Variants in ACER3 observed in about 807,000 individuals in gnomAD.
ACER3 encodes the protein alkCDase 3.
ACER3 carries 16 observed loss-of-function variants against 48.9 expected under a neutral mutation model. That is an observed-to-expected ratio of 0.33 (90% CI 0.22 to 0.50). The LOEUF is 0.50. Among genes scored for constraint, ACER3 ranks in the 20% least tolerant of loss-of-function variants. ACER3 has a pLI of 0.98. For synonymous variants in ACER3, 109 were observed against 107.8 expected (o/e 1.01, Z -0.07); for missense variants, 227 against 326.0 (o/e 0.70, Z 2.34).
rs187403369 is a variant in ACER3, at chr11:76,973,489, C to T, written c.268-2800C>T. On this transcript the variant is annotated intron_variant, in intron 3 of 10. Transcript: ENST00000532485. ...TGATCTTGGTCCTCAAAGGGACGGA[C>T]ATGTCCATACCTCATGCCTGTCCAC... Among the ~76,000 whole-genome samples the T allele has an allele frequency of 4.4e-3, 666 of 152,228 alleles. 26 individuals are homozygous for T. Among genetic ancestry groups the T allele is most frequent in the Admixed American group, 0.042 (647 of 15,286 alleles).
rs1271998317 is a variant in ACER3 at position 77,021,319 on chromosome 11, A to G, written c.*992A>G. ...CTAAAATTATCAGAATCCTATTTAC[A>G]TAAAGCATATTAAAATATCTGCTCC... On this transcript the variant is annotated 3_prime_UTR_variant, in exon 11 of 11. Transcript: ENST00000532485. 6.6e-6 allele frequency: 1 copy of G among 152,212 alleles called. No homozygotes were observed. Among genetic ancestry groups the G allele is most frequent in the Non-Finnish European group, 1.5e-5 (1 of 68,036 alleles). The allele number at this position is 152,212 out of a possible 1,614,324, so 9.4% of individuals were successfully genotyped here.
At chr11:76,904,353 T>G (rs1946162416) in intron 1 of ACER3, among the ~76,000 whole-genome samples, 2 of 152,132 alleles carry the variant, frequency 1.3e-5, no homozygotes, top group South Asian at 4.1e-4. Flanking sequence ...TAGGAAAACC[T>G]CAACTCTTTC....
chr11:76,958,771 AT>A, intron 2 of ACER3: 1 of 565,578 alleles, frequency 1.8e-6, no homozygotes, highest in African/African-American at 1.9e-5. Flanking sequence ...AGTAGAGGGA[AT>A]TTAGGAGAAC....
chr11:76,989,877 C>T (rs1948763298), intron 5 of ACER3, among the ~76,000 whole-genome samples: 1 of 152,186 alleles, frequency 6.6e-6, no homozygotes. Context: ...AGGCATTGAG[C>T]TTAATCATCC....
chr11:76,934,066 C>T (rs1386121356), intron 2 of ACER3, among the ~76,000 whole-genome samples: 4 of 151,234 alleles, frequency 2.6e-5, no homozygotes, highest in African/African-American at 7.3e-5. Context: ...CGGGCAGAGA[C>T]GCTCCTCACT....
chr11:77,024,379 G>T lies in ACER3; in HGVS notation c.*4052G>T, dbSNP rs1368446361. On this transcript the variant is annotated 3_prime_UTR_variant, in exon 11 of 11. Coordinates refer to ENST00000532485, the MANE Select transcript of ACER3 (RefSeq NM_018367.7). ...AGCTGCTGGTGTTGTTGAGGTCCTT[G>T]GGAGCATTCCACTGGACTTCACCAT... 2.6e-5 allele frequency: 4 copies of T among 151,678 alleles called. No homozygotes were observed. The highest frequency in any genetic ancestry group is 9.7e-5 in the African/African-American group (4 of 41,318). The allele number at this position is 151,678 out of a possible 1,614,324, so 9.4% of individuals were successfully genotyped here. A position where few individuals can be genotyped will look rare whatever the true frequency, so the allele number is the denominator to read the frequency against.
rs370822453 is a variant in ACER3 at position 76,985,694 on chromosome 11, C to T, written c.372C>T (p.Thr124=). ...CAGTAAACTACCATCTGCTTTTTACCTTAGTTCTATTCAGTTTAATAGTAA... is the reference window on the plus strand; with the variant it reads ...CAGTAAACTACCATCTGCTTTTTACTTTAGTTCTATTCAGTTTAATAGTAA... The part of the protein sequence containing the change: ...KNSVNYHLLF[T]LVLFSLIVTT... Residue 124 remains threonine, a synonymous_variant, in exon 5 of 11, where the codon ACC becomes ACT. Coordinates refer to ENST00000532485, the MANE Select transcript of ACER3 (RefSeq NM_018367.7). The T allele has an allele frequency of 2.5e-5, 39 of 1,567,462 alleles. No individual in the cohort carries two copies. The Middle Eastern group carries it at 6.8e-4, about 27-fold the overall frequency.
Position 77,026,045 on chromosome 11 carries a change from C to G in ACER3, c.*5718C>G, listed in dbSNP as rs532139582. ...TTGGCAATAGCCTGTTGCAAAGTGC[C>G]TAAACCTTTGAGAAAAATTACTATG... On this transcript the variant is annotated 3_prime_UTR_variant, in exon 11 of 11. Transcript: ENST00000532485. 4.6e-5 allele frequency: 7 copies of G among 152,304 alleles called. No homozygotes were observed. The highest frequency in any genetic ancestry group is 4.1e-4 in the South Asian group (2 of 4,822). The allele number at this position is 152,304 out of a possible 1,614,324, so 9.4% of individuals were successfully genotyped here.
At chr11:76,934,419 A>G (rs911444939) in intron 2 of ACER3, among the ~76,000 whole-genome samples, 1 of 152,128 alleles carries the variant, frequency 6.6e-6, no homozygotes, top group African/African-American at 2.4e-5. Context: ...AGTGAACGAG[A>G]CTCCGTCTGC....
chr11:77,003,947 T>C (rs1414991160), intron 7 of ACER3, among the ~76,000 whole-genome samples: 8 of 152,224 alleles, frequency 5.3e-5, no homozygotes, highest in Admixed American at 1.3e-4. Flanking sequence ...TTGAGGTTTG[T>C]ATTATGGATC....
intron 2 of ACER3, among the ~76,000 whole-genome samples, chr11:76,932,261 T>A (rs1368495917): frequency 6.6e-6 from 1 of 152,188 alleles, no homozygotes; most frequent in Non-Finnish European, 1.5e-5. Context: ...TATTTATTTT[T>A]TATAACTCTC....
intron 2 of ACER3, among the ~76,000 whole-genome samples, chr11:76,947,732 G>A (rs1464641022): frequency 6.6e-6 from 1 of 152,090 alleles, no homozygotes; most frequent in Non-Finnish European, 1.5e-5. Flanking sequence ...GAAAAATGTG[G>A]GGAAAGCAAT....
rs144060108 is a variant in ACER3, at chr11:76,876,791, G to A, written c.103+15712G>A. ...TTATTTTTAACTCTTGTCTTCTTTC[G>A]TTTCCTTGCCCTACTTACATTTCAG... On this transcript the variant is annotated intron_variant, in intron 1 of 10. Transcript: ENST00000532485. 5.7e-3 allele frequency among the ~76,000 whole-genome samples: 870 copies of A among 152,108 alleles called. 11 individuals carry two copies. Among genetic ancestry groups the A allele is most frequent in the African/African-American group, 0.02 (817 of 41,498 alleles).
chr11:77,005,972 CATAT>C (rs61113921), intron 7 of ACER3, among the ~76,000 whole-genome samples: 1,084 of 107,028 alleles, frequency 0.01, 39 homozygotes, highest in African/African-American at 0.036. Context: ...TATATATATA[CATAT>C]ATATATATAT....
chr11:77,010,891 A>G (rs1461698781), intron 7 of ACER3, among the ~76,000 whole-genome samples: 1 of 152,248 alleles, frequency 6.6e-6, no homozygotes, highest in African/African-American at 2.4e-5. Context: ...CTATCAGTAA[A>G]ATACAGAGAA....
At position 76,893,604 on chromosome 11, in the gene ACER3, AG is replaced by A. The variant is rs542770234; in HGVS notation, c.103+32526del. On this transcript the variant is annotated intron_variant, in intron 1 of 10. Transcript: ENST00000532485. ...GAAGGCTGAGGCAAAGGAATGCTTG[AG>A]CCCAGAAGTTTGAGACCAGCCTGGG... Among the ~76,000 whole-genome samples the A allele has an allele frequency of 2.5e-4, 38 of 152,268 alleles. No individual in the cohort carries two copies. In the East Asian group the frequency reaches 7.2e-3, roughly 29 times the overall value.
intron 1 of ACER3, among the ~76,000 whole-genome samples, chr11:76,911,821 A>G (rs1344652657): frequency 2.0e-5 from 3 of 152,158 alleles, no homozygotes; most frequent in Admixed American, 2.0e-4. Flanking sequence ...GATTTTCCAG[A>G]CAAAGAATCT....
chr11:76,931,793 C>G (rs953661390), intron 2 of ACER3, among the ~76,000 whole-genome samples: 9 of 151,970 alleles, frequency 5.9e-5, no homozygotes, highest in African/African-American at 2.2e-4. Flanking sequence ...GAATATTGGC[C>G]CCCACTCTCT....
chr11:77,011,284 C>T, intron 7 of ACER3: 3 of 977,606 alleles, frequency 3.1e-6, no homozygotes, highest in Non-Finnish European at 3.6e-6. Context: ...TCTCCCCTTC[C>T]CGCCCTGCTA....
Sources: gnomAD v4.1 joint callset for allele counts (sites outside exome capture counted in the v4.1 genomes callset) on GRCh38, gnomAD v4.1.1 for gene constraint, MANE v1.5 for transcripts, NCBI Gene and HGNC (gene_info 2026-07-23, HGNC 2026-07-21) for gene names.